The following MYO3B variants were observed in gnomAD, a reference collection of about 807,000 sequenced individuals.
MYO3B encodes myosin-IIIb.
In MYO3B, 156 loss-of-function variants were observed where a neutral mutation model predicts 174.6. The observed-to-expected ratio is 0.89, with a 90% confidence interval of 0.78 to 1.02. MYO3B has a LOEUF of 1.02. Ranked by LOEUF, MYO3B falls within the 50% of genes least tolerant of loss-of-function variation. The probability of loss-of-function intolerance (pLI) is 0.00; values close to 1 mark genes in which losing one functional copy is unlikely to be tolerated. For missense variants in MYO3B, 1,632 were observed against 1,639.4 expected, an observed-to-expected ratio of 1.00 and a Z score of 0.08; for synonymous variants, 563 against 569.1, an observed-to-expected ratio of 0.99 and a Z score of 0.15.
chr2:170,402,978 G>A lies in MYO3B; in HGVS notation c.2260G>A (p.Val754Ile). 1.2e-6 allele frequency: 2 copies of A among 1,601,876 alleles called. No individual in the cohort carries two copies. The highest frequency in any genetic ancestry group is 2.2e-5 in the South Asian group (2 of 89,946). ...EQIQYYFNQHVFALEQMEYQN... is the reference protein window; with the variant it reads ...EQIQYYFNQHIFALEQMEYQN... ...AATCCAGTACTATTTCAATCAGCAT[G>A]TTTTTGCTCTTGAGCAGGTAATAGT... Residue 754 changes from valine (V) to isoleucine (I), a missense_variant, in exon 19 of 35, where the codon GTT (valine) becomes ATT (isoleucine). Physicochemically the swap from Val to Ile is conservative, Grantham distance 29. Transcript: ENST00000408978.
At chr2:170,590,264 A>T (rs533288627) in intron 32 of MYO3B, among the ~76,000 whole-genome samples, 1 of 152,216 alleles carries the variant, frequency 6.6e-6, no homozygotes, top group African/African-American at 2.4e-5. Context: ...AATGTTTTCT[A>T]TGGGTAAAAG....
intron 25 of MYO3B, among the ~76,000 whole-genome samples, chr2:170,497,264 A>G (rs113799719): frequency 3.9e-4 from 1 of 2,572 alleles, no homozygotes; most frequent in African/African-American, 4.0e-4. Flanking sequence ...GTAATAAACT[A>G]TTTTTTCGAT....
intron 7 of MYO3B, among the ~76,000 whole-genome samples, chr2:170,280,001 G>A (rs1437981770): frequency 6.6e-6 from 1 of 152,114 alleles, no homozygotes. Flanking sequence ...TTGTTGGGTT[G>A]AATGGTAGTT....
chr2:170,648,747 AATGTATT>A (rs1698599582), intron 32 of MYO3B, among the ~76,000 whole-genome samples: 1 of 103,898 alleles, frequency 9.6e-6, no homozygotes, highest in African/African-American at 3.6e-5. Context: ...TATTCTATAT[AATGTATT>A]ATATATAGAA....
chr2:170,420,597 A>G (rs1332804526), intron 22 of MYO3B, among the ~76,000 whole-genome samples: 1 of 152,152 alleles, frequency 6.6e-6, no homozygotes, highest in Non-Finnish European at 1.5e-5. Flanking sequence ...GAATAATGGA[A>G]CTAGCAAATG....
At chr2:170,203,988 T>A (rs1006291058) in intron 3 of MYO3B, among the ~76,000 whole-genome samples, 1 of 152,144 alleles carries the variant, frequency 6.6e-6, no homozygotes, top group Non-Finnish European at 1.5e-5. Context: ...TTGGCTCTAT[T>A]CAATAAGGAT....
At chr2:170,192,201 A>G (rs937597936) in intron 1 of MYO3B, among the ~76,000 whole-genome samples, 1 of 151,952 alleles carries the variant, frequency 6.6e-6, no homozygotes, top group African/African-American at 2.4e-5. Context: ...TGTTAAAACC[A>G]TCTGAGCCTG....
At chr2:170,426,449 C>T (rs1417005388) in intron 22 of MYO3B, among the ~76,000 whole-genome samples, 1 of 151,280 alleles carries the variant, frequency 6.6e-6, no homozygotes, top group Non-Finnish European at 1.5e-5. Flanking sequence ...CATTCTACTA[C>T]CTCAGCCTCC....
chr2:170,349,775 G>A (rs1394237735), intron 8 of MYO3B: 1 of 128,732 alleles, frequency 7.8e-6, no homozygotes, highest in African/African-American at 2.9e-5. Flanking sequence ...TCCAGCCTGA[G>A]CGATGGAATG....
intron 30 of MYO3B, among the ~76,000 whole-genome samples, chr2:170,527,356 A>G (rs76782030): frequency 0.013 from 1,948 of 152,342 alleles, 40 homozygotes; most frequent in African/African-American, 0.044. Flanking sequence ...GTAAACCCAT[A>G]GTGTTTGGGT....
chr2:170,312,486 G>A (rs1020862462), intron 7 of MYO3B, among the ~76,000 whole-genome samples: 1 of 152,248 alleles, frequency 6.6e-6, no homozygotes, highest in Admixed American at 6.5e-5. Flanking sequence ...GTGAGTAGAT[G>A]TCATGTCATT....
intron 22 of MYO3B, among the ~76,000 whole-genome samples, chr2:170,420,333 G>A (rs2094606591): frequency 6.6e-6 from 1 of 152,192 alleles, no homozygotes; most frequent in Non-Finnish European, 1.5e-5. Flanking sequence ...TTCATAGAAA[G>A]CTGAGTCCAC....
chr2:170,558,302 C>CA (rs1575163230), intron 32 of MYO3B, among the ~76,000 whole-genome samples: 5 of 146,966 alleles, frequency 3.4e-5, no homozygotes, highest in East Asian at 4.0e-4. Context: ...GACTCTGTCT[C>CA]CAAAAAAAAA....
At chr2:170,214,523 A>T in intron 4 of MYO3B, 40 bp downstream of exon 4, 1 of 1,587,268 alleles carries the variant, frequency 6.3e-7, no homozygotes, top group Admixed American at 1.7e-5. Flanking sequence ...AGCAGATGGG[A>T]TGGTTTGTTC....
chr2:170,198,292 ATTT>A (rs2092623065), intron 1 of MYO3B, among the ~76,000 whole-genome samples: 1 of 152,048 alleles, frequency 6.6e-6, no homozygotes, highest in Non-Finnish European at 1.5e-5. Flanking sequence ...GTTAATGCGT[ATTT>A]CTCTCTTCTT....
At position 170,466,656 on chromosome 2, in the gene MYO3B, A is replaced by G. The variant is rs547610615; in HGVS notation, c.2959A>G (p.Ser987Gly). 1 of 1,614,250 alleles carries G rather than the reference A, an allele frequency of 6.2e-7. No individual in the cohort carries two copies. Among genetic ancestry groups the G allele is most frequent in the East Asian group, 2.2e-5 (1 of 44,892 alleles). ...CTCCACAGGGATTCTGGAGACAGTC[A>G]GCATCCGCCGCCAGGGCTATTCCCA... ...LRSTGILETV[S>G]IRRQGYSHRI... The change falls in exon 25 of 35, where the codon AGC (serine) becomes GGC (glycine). Residue 987 changes from serine to glycine, a missense_variant. By Grantham distance (56) the Ser-to-Gly change is moderately conservative (BLOSUM62 0). Coordinates refer to ENST00000408978, the MANE Select transcript of MYO3B (RefSeq NM_138995.5).
intron 12 of MYO3B, 95 bp from the exon 13 acceptor site, chr2:170,386,094 A>C: frequency 1.0e-6 from 1 of 969,992 alleles, no homozygotes; most frequent in Non-Finnish European, 1.6e-6. Flanking sequence ...TCTCTCAGTG[A>C]AAAATTAAGG....
chr2:170,224,000 G>A (rs1304845014), intron 6 of MYO3B, among the ~76,000 whole-genome samples: 1 of 152,124 alleles, frequency 6.6e-6, no homozygotes, highest in Non-Finnish European at 1.5e-5. Context: ...TTTACCCTGG[G>A]ACATTTCTGA....
At chr2:170,282,022 A>G (rs184876159) in intron 7 of MYO3B, among the ~76,000 whole-genome samples, 1 of 152,204 alleles carries the variant, frequency 6.6e-6, no homozygotes, top group Non-Finnish European at 1.5e-5. Context: ...TCAGATGAAT[A>G]TTTTGCAAAT....
Sources: allele counts gnomAD v4.1 joint callset (sites outside exome capture counted in the v4.1 genomes callset), GRCh38; gene constraint gnomAD v4.1.1; transcripts MANE v1.5; gene names NCBI Gene and HGNC (gene_info 2026-07-23, HGNC 2026-07-21).